GGA3: variants seen among roughly 807,000 people sequenced by gnomAD.
GGA3 encodes golgi associated, gamma adaptin ear containing, ARF binding protein 3.
Under a neutral mutation model 77.5 loss-of-function variants are expected in GGA3, and 57 were observed. The observed-to-expected ratio is 0.74, with a 90% CI of 0.59 to 0.92. The LOEUF is 0.92. Ranked by LOEUF, GGA3 falls within the 40% of genes least tolerant of loss-of-function variation. The pLI, the probability that GGA3 is intolerant of heterozygous loss-of-function variation, is 0.00. For missense variants in GGA3, 970 were observed against 914.9 expected, an observed-to-expected ratio of 1.06 and a Z score of -0.78; for synonymous variants, 416 against 383.7, an observed-to-expected ratio of 1.08 and a Z score of -0.98.
At chr17:75,248,496 C>CAAAAAAAAAAAAAAAAA (rs1598419641) in intron 1 of GGA3, among the ~76,000 whole-genome samples, 3 of 26,622 alleles carry the variant, frequency 1.1e-4, no homozygotes, top group Non-Finnish European at 3.0e-4. Context: ...AAAAAAAAAT[C>CAAAAAAAAAAAAAAAAA]ACCAGCTGGG....
chr17:75,238,873 G>A (rs1430131572), intron 15 of GGA3, 41 bp downstream of exon 15: 2 of 1,607,720 alleles, frequency 1.2e-6, no homozygotes, highest in African/African-American at 2.7e-5. Context: ...ACACAACAGG[G>A]TCAAGATAAG....
intron 1 of GGA3, chr17:75,248,881 A>G (rs2076861919): frequency 1.0e-6 from 1 of 984,316 alleles, no homozygotes; most frequent in South Asian, 4.7e-5. Context: ...CAGCTCCTTC[A>G]CTGGCAACAG....
chr17:75,238,190 CAG>C lies in GGA3; in HGVS notation c.*87_*88del, dbSNP rs777476296. On this transcript the variant is annotated 3_prime_UTR_variant, in exon 17 of 17. Coordinates refer to ENST00000537686, the MANE Select transcript of GGA3 (RefSeq NM_138619.4). ...ACATCAAAGCTACAAGCACTGTTGT[CAG>C]GGCATGGAGAGTGACGGGACCAGAG... 4.7e-4 allele frequency: 718 copies of C among 1,538,604 alleles called. 1 individual carries two copies. The highest frequency in any genetic ancestry group is 5.5e-4 in the Non-Finnish European group (629 of 1,142,278).
At chr17:75,252,077 T>TC (rs1312685042) in intron 1 of GGA3, among the ~76,000 whole-genome samples, 2 of 150,404 alleles carry the variant, frequency 1.3e-5, no homozygotes, top group African/African-American at 4.9e-5. Context: ...CTTTCGTTTT[T>TC]TTTTTTCTTT....
At position 75,249,102 on chromosome 17, in the gene GGA3, G is replaced by GA. The variant is rs2076871443; in HGVS notation, c.41-2307_41-2306insT. 1.1e-5 allele frequency: 7 copies of GA among 625,368 alleles called. No individual in the cohort carries two copies. In the African/African-American group the frequency reaches 1.2e-4, roughly 11 times the overall value. The allele number at this position is 625,368 out of a possible 1,614,324, so 38.7% of individuals were successfully genotyped here. A position where few individuals can be genotyped will look rare whatever the true frequency, so the allele number is the denominator to read the frequency against. Reference sequence around the variant, plus strand: ...GCTGTGTCACCCAGGCTGGAGTGCAGTGGCGCGATCTAGGCTCACTGCAAC... The same window carrying GA: ...GCTGTGTCACCCAGGCTGGAGTGCAGATGGCGCGATCTAGGCTCACTGCAAC... On this transcript the variant is annotated intron_variant, in intron 1 of 16. Transcript: ENST00000537686.
rs1045818730 is a variant in GGA3, at chr17:75,237,882, T to C, written c.*397A>G. The C allele has an allele frequency of 7.3e-7, 1 of 1,378,274 alleles. No individual in the cohort carries two copies. The highest frequency in any genetic ancestry group is 9.3e-7 in the Non-Finnish European group (1 of 1,069,652). The allele number at this position is 1,378,274 out of a possible 1,614,324, so 85.4% of individuals were successfully genotyped here. On this transcript the variant is annotated 3_prime_UTR_variant, in exon 17 of 17. Coordinates refer to ENST00000537686, the MANE Select transcript of GGA3 (RefSeq NM_138619.4). ...GTCAGGTGTGAGGATGTGGCTCTTG[T>C]GGGGAATGACCCATGACAGTCTCTC...
chr17:75,239,400 G>A lies in GGA3; in HGVS notation c.1755C>T (p.His585=), dbSNP rs143121216. Residue 585 remains histidine (H), a synonymous_variant, in exon 14 of 17, where the codon CAC becomes CAT. Coordinates refer to ENST00000537686, the MANE Select transcript of GGA3 (RefSeq NM_138619.4). ...KGPELSLASI[H]VPLESIKPSS... ...TAGGCTTGATCGATTCCAGGGGCAC[G>A]TGGATGCTGGCCAGGGAGAGCTCAG... The A allele has an allele frequency of 2.1e-5, 32 of 1,559,634 alleles. No individual in the cohort carries two copies. The highest frequency in any genetic ancestry group is 2.2e-5 in the Non-Finnish European group (26 of 1,159,518).
At chr17:75,249,654 G>T (rs1235910633) in intron 1 of GGA3, among the ~76,000 whole-genome samples, 1 of 152,104 alleles carries the variant, frequency 6.6e-6, no homozygotes, top group African/African-American at 2.4e-5. Context: ...AAATTGAATG[G>T]TCTGAGAAGC....
intron 11 of GGA3, 194 bp downstream of exon 11, chr17:75,240,618 C>G (rs1325853511): frequency 8.6e-6 from 6 of 694,198 alleles, no homozygotes; most frequent in Non-Finnish European, 2.4e-6. Flanking sequence ...GGGTGCAGGG[C>G]AGGAGGCAGA....
In GGA3 at chr17:75,240,334, GC is replaced by G. The variant is rs1307146467; in HGVS notation, c.1263+7del. On this transcript the variant is annotated splice_region_variant and intron_variant, in intron 12 of 16. Transcript: ENST00000537686. ...ACAGTAGTGCTGTCACCGATCCTGTGCCCCTACCTGGAGCAGGTGCCACTGG... is the reference window on the plus strand; with the variant it reads ...ACAGTAGTGCTGTCACCGATCCTGTGCCCTACCTGGAGCAGGTGCCACTGG... The G allele has an allele frequency of 6.4e-7, 1 of 1,572,566 alleles. No individual in the cohort carries two copies. The highest frequency in any genetic ancestry group is 8.7e-7 in the Non-Finnish European group (1 of 1,152,602).
intron 1 of GGA3, among the ~76,000 whole-genome samples, chr17:75,248,271 A>G (rs1374219333): frequency 2.0e-5 from 3 of 150,948 alleles, no homozygotes; most frequent in Admixed American, 2.0e-4. Context: ...GGAGATCGAG[A>G]CCATCCTGGT....
rs1297700087 is a variant in GGA3, at chr17:75,238,956, G to A, written c.1908C>T (p.Pro636=). ...VVVVSMLNTA[P]LPVKSIVLQA... Reference sequence around the variant, plus strand: ...GCAGCACGATGCTCTTGACAGGTAAGGGAGCCGTGTTCAGCATGGACACCA... The same window carrying A: ...GCAGCACGATGCTCTTGACAGGTAAAGGAGCCGTGTTCAGCATGGACACCA... Residue 636 remains proline (P), a synonymous_variant, in exon 15 of 17, where the codon CCC becomes CCT. Coordinates refer to ENST00000537686, the MANE Select transcript of GGA3 (RefSeq NM_138619.4). 3 of 1,614,162 alleles carry A rather than the reference G, an allele frequency of 1.9e-6. No homozygotes were observed. The highest frequency in any genetic ancestry group is 1.7e-5 in the Admixed American group (1 of 60,030).
rs754111726 is a variant in GGA3, at chr17:75,240,931, G to A, written c.1073C>T (p.Pro358Leu). Residue 358 changes from proline (P) to leucine (L), a missense_variant, in exon 11 of 17, where the codon CCA becomes CTA. Pro to Leu is a moderately conservative substitution (Grantham distance 98, BLOSUM62 -3). Transcript: ENST00000537686. Reference protein sequence around the residue: ...PPSSGIPILPPPPQASGPPRS... With the variant: ...PPSSGIPILPLPPQASGPPRS... ...TGGAGGTCCTGAGGCCTGGGGTGGTGGAGGGAGGATTGGGATGCCTGAGGA... is the reference window on the plus strand; with the variant it reads ...TGGAGGTCCTGAGGCCTGGGGTGGTAGAGGGAGGATTGGGATGCCTGAGGA... 6.2e-7 allele frequency: 1 copy of A among 1,613,858 alleles called. No individual in the cohort carries two copies. The highest frequency in any genetic ancestry group is 2.2e-5 in the East Asian group (1 of 44,838).
chr17:75,252,183 T>C (rs2076989244), intron 1 of GGA3, among the ~76,000 whole-genome samples: 1 of 151,876 alleles, frequency 6.6e-6, no homozygotes, highest in Non-Finnish European at 1.5e-5. Context: ...GCTCAAGTGA[T>C]CCTCCCACCT....
At chr17:75,246,866 G>T (rs554385175) in intron 1 of GGA3, 70 bp from the exon 2 acceptor site, 3 of 1,230,064 alleles carry the variant, frequency 2.4e-6, no homozygotes, top group Non-Finnish European at 2.4e-6. Flanking sequence ...GGTTTTCTTC[G>T]CAAGTTTTAA....
rs1222878738 is a variant in GGA3, at chr17:75,236,949, G to C, written c.*1330C>G. 3 of 165,984 alleles carry C rather than the reference G, an allele frequency of 1.8e-5. No individual in the cohort carries two copies. Among genetic ancestry groups the C allele is most frequent in the African/African-American group, 7.2e-5 (3 of 41,830 alleles). 10.3% of individuals were successfully genotyped at this position (165,984 alleles called of 1,614,324 possible). On this transcript the variant is annotated 3_prime_UTR_variant, in exon 17 of 17. Transcript: ENST00000537686. ...TCTTCCCATAGTAAGGAATAAGGAAGCCTGGCAAGGGGCAGGGAGGAACCA... is the reference window on the plus strand; with the variant it reads ...TCTTCCCATAGTAAGGAATAAGGAACCCTGGCAAGGGGCAGGGAGGAACCA...
rs948410579 is a variant in GGA3, at chr17:75,237,535, G to A, written c.*744C>T. On this transcript the variant is annotated 3_prime_UTR_variant, in exon 17 of 17. Coordinates refer to ENST00000537686, the MANE Select transcript of GGA3 (RefSeq NM_138619.4). ...CCCAGAAAGCTGAGTACCTGCTTCTGGAGAAGGGGAAATACTGGCTCTCTT... is the reference window on the plus strand; with the variant it reads ...CCCAGAAAGCTGAGTACCTGCTTCTAGAGAAGGGGAAATACTGGCTCTCTT... The A allele has an allele frequency of 3.5e-5, 54 of 1,535,770 alleles. No individual in the cohort carries two copies. The highest frequency in any genetic ancestry group is 4.4e-5 in the Non-Finnish European group (51 of 1,146,696).
intron 1 of GGA3, among the ~76,000 whole-genome samples, chr17:75,257,718 C>T (rs112841112): frequency 5.9e-5 from 9 of 152,270 alleles, no homozygotes; most frequent in African/African-American, 2.2e-4. Context: ...GTTCCCACGC[C>T]GCCCCTAATC....
intron 5 of GGA3, 136 bp from the exon 6 acceptor site, chr17:75,243,302 C>G (rs1409867274): frequency 8.6e-7 from 1 of 1,168,034 alleles, no homozygotes; most frequent in African/African-American, 1.5e-5. Context: ...TACACCTTAT[C>G]CCATCCAACT....
Sources: gnomAD v4.1 joint callset for allele counts (sites outside exome capture counted in the v4.1 genomes callset) on GRCh38, gnomAD v4.1.1 for gene constraint, MANE v1.5 for transcripts, NCBI Gene and HGNC (gene_info 2026-07-23, HGNC 2026-07-21) for gene names.